The following ZCWPW2 variants were observed in gnomAD, a reference collection of about 807,000 sequenced individuals.
ZCWPW2 encodes zinc finger CW-type and PWWP domain containing 2, also known as zinc finger CW-type PWWP domain protein 2.
A neutral mutation model predicts 46.6 loss-of-function variants in ZCWPW2; 45 were observed. The observed-to-expected ratio is 0.96, with a 90% CI of 0.76 to 1.24. The LOEUF (loss-of-function observed/expected upper bound fraction) is 1.24. Among genes scored for constraint, ZCWPW2 ranks in the 50% most tolerant of loss-of-function variants. The pLI is 0.00. For synonymous variants in ZCWPW2, 152 were observed against 137.1 expected (o/e 1.11, Z -0.76); for missense variants, 429 against 403.9 (o/e 1.06, Z -0.53).
intron 4 of ZCWPW2, among the ~76,000 whole-genome samples, chr3:28,478,123 A>G (rs1372474232): frequency 6.6e-6 from 1 of 152,184 alleles, no homozygotes; most frequent in Non-Finnish European, 1.5e-5. Flanking sequence ...TGATGTATGT[A>G]GTGTTATCAT....
intron 1 of ZCWPW2, among the ~76,000 whole-genome samples, chr3:28,371,025 C>A (rs1229552916): frequency 6.6e-6 from 1 of 151,506 alleles, no homozygotes; most frequent in African/African-American, 2.4e-5. Context: ...AACCACCATG[C>A]CCAATAAATT....
chr3:28,444,342 A>AATC (rs1559507177), intron 4 of ZCWPW2, among the ~76,000 whole-genome samples: 1 of 152,098 alleles, frequency 6.6e-6, no homozygotes, highest in East Asian at 1.9e-4. Flanking sequence ...TCCTGAGGAG[A>AATC]ATCAACATTA....
At chr3:28,509,062 T>C (rs1700357197) in intron 6 of ZCWPW2, among the ~76,000 whole-genome samples, 1 of 152,186 alleles carries the variant, frequency 6.6e-6, no homozygotes, top group African/African-American at 2.4e-5. Flanking sequence ...AACCACGGAA[T>C]CTATTTTCTG....
intron 1 of ZCWPW2, among the ~76,000 whole-genome samples, chr3:28,376,139 T>A (rs2125705979): frequency 6.6e-6 from 1 of 152,222 alleles, no homozygotes; most frequent in Middle Eastern, 3.4e-3. Flanking sequence ...ACTGATTTCC[T>A]TTCTTTTGGG....
intron 8 of ZCWPW2, among the ~76,000 whole-genome samples, chr3:28,517,997 G>A (rs1428162533): frequency 1.3e-5 from 2 of 151,914 alleles, no homozygotes; most frequent in Non-Finnish European, 2.9e-5. Context: ...TTAGCTGGGT[G>A]TGGTGGTACG....
chr3:28,516,457 A>T (rs1202963751), intron 8 of ZCWPW2, among the ~76,000 whole-genome samples: 2 of 152,118 alleles, frequency 1.3e-5, no homozygotes, highest in African/African-American at 4.8e-5. Context: ...GTTGGTTAGA[A>T]CACAGTAGAG....
chr3:28,349,034 A>G lies in ZCWPW2; in HGVS notation c.-303A>G. ...CTCGGCGCCAGGGACGCGCGAGGAAACCGGAAGTCAGGCCCGAGGGAGCTG... is the reference window on the plus strand; with the variant it reads ...CTCGGCGCCAGGGACGCGCGAGGAAGCCGGAAGTCAGGCCCGAGGGAGCTG... On this transcript the variant is annotated 5_prime_UTR_variant, in exon 1 of 10. Transcript: ENST00000383768. 2.0e-6 allele frequency: 2 copies of G among 986,108 alleles called. No individual in the cohort carries two copies. The highest frequency in any genetic ancestry group is 2.4e-6 in the Non-Finnish European group (2 of 830,534). The allele number at this position is 986,108 out of a possible 1,614,324, so 61.1% of individuals were successfully genotyped here. A position where few individuals can be genotyped will look rare whatever the true frequency, so the allele number is the denominator to read the frequency against.
intron 1 of ZCWPW2, among the ~76,000 whole-genome samples, chr3:28,379,167 T>C (rs1275554398): frequency 6.6e-6 from 1 of 151,960 alleles, no homozygotes; most frequent in Admixed American, 6.6e-5. Flanking sequence ...ACAAAGAAAA[T>C]AGAATCAAGG....
At chr3:28,434,699 A>G (rs1349126443) in intron 3 of ZCWPW2, among the ~76,000 whole-genome samples, 3 of 152,218 alleles carry the variant, frequency 2.0e-5, no homozygotes, top group African/African-American at 7.2e-5. Flanking sequence ...CTCCCACGCC[A>G]TCAGAAGCCA....
chr3:28,376,203 T>G (rs1705495922), intron 1 of ZCWPW2, among the ~76,000 whole-genome samples: 1 of 152,084 alleles, frequency 6.6e-6, no homozygotes, highest in Non-Finnish European at 1.5e-5. Flanking sequence ...GAATCTATTA[T>G]AGGTTTTGGG....
chr3:28,360,396 G>C (rs1704896089), intron 1 of ZCWPW2, among the ~76,000 whole-genome samples: 1 of 149,016 alleles, frequency 6.7e-6, no homozygotes, highest in Non-Finnish European at 1.5e-5. Flanking sequence ...GGTGGCGGGT[G>C]CCTGTAGTTC....
intron 1 of ZCWPW2, among the ~76,000 whole-genome samples, chr3:28,366,364 A>AT (rs1435994996): frequency 2.1e-4 from 21 of 100,654 alleles, no homozygotes; most frequent in African/African-American, 7.3e-4. Context: ...GGGTTGTTGA[A>AT]TTTTGTCAAA....
intron 6 of ZCWPW2, among the ~76,000 whole-genome samples, chr3:28,494,684 G>A (rs1319058047): frequency 9.4e-5 from 13 of 138,100 alleles, no homozygotes; most frequent in South Asian, 5.1e-4. Context: ...AAACCCCATC[G>A]TCTCAGCCCA....
At chr3:28,444,722 C>T (rs1009651586) in intron 4 of ZCWPW2, among the ~76,000 whole-genome samples, 3 of 152,160 alleles carry the variant, frequency 2.0e-5, no homozygotes, top group Non-Finnish European at 2.9e-5. Flanking sequence ...ATTTGAGGCT[C>T]AGTATCTGCT....
chr3:28,445,433 A>C (rs1559507607), intron 4 of ZCWPW2, among the ~76,000 whole-genome samples: 1 of 152,098 alleles, frequency 6.6e-6, no homozygotes, highest in Non-Finnish European at 1.5e-5. Flanking sequence ...GAAGCTGTTA[A>C]GGGAGCAGAA....
chr3:28,395,740 G>T (rs552630186), intron 2 of ZCWPW2, among the ~76,000 whole-genome samples: 1 of 152,240 alleles, frequency 6.6e-6, no homozygotes, highest in South Asian at 2.1e-4. Flanking sequence ...GTGGTTACCG[G>T]AGGGCTTGGA....
At chr3:28,419,980 C>T (rs1346805113) in intron 3 of ZCWPW2, among the ~76,000 whole-genome samples, 2 of 142,760 alleles carry the variant, frequency 1.4e-5, no homozygotes, top group Non-Finnish European at 3.0e-5. Flanking sequence ...CGCTAAATGA[C>T]GAGTTAATGG....
intron 1 of ZCWPW2, among the ~76,000 whole-genome samples, chr3:28,350,749 G>T (rs894122332): frequency 4.0e-5 from 6 of 151,686 alleles, no homozygotes; most frequent in African/African-American, 1.5e-4. Flanking sequence ...ATGTATTAAA[G>T]GTTTATTATC....
At chr3:28,488,589 TC>T (rs1158172151) in intron 5 of ZCWPW2, among the ~76,000 whole-genome samples, 9 of 152,196 alleles carry the variant, frequency 5.9e-5, no homozygotes, top group African/African-American at 2.2e-4. Flanking sequence ...TTTGTATTTC[TC>T]CCTAATATGG....
Sources: gnomAD v4.1 joint callset for allele counts (sites outside exome capture counted in the v4.1 genomes callset) on GRCh38, gnomAD v4.1.1 for gene constraint, MANE v1.5 for transcripts, NCBI Gene and HGNC (gene_info 2026-07-23, HGNC 2026-07-21) for gene names.